MAP2K5: variants seen among roughly 807,000 people sequenced by gnomAD.
MAP2K5 encodes dual specificity mitogen-activated protein kinase kinase 5.
Under a neutral mutation model 83.1 loss-of-function variants are expected in MAP2K5, and 49 were observed. The ratio of observed to expected loss-of-function variants is 0.59; its 90% confidence interval spans 0.47 to 0.75. MAP2K5 has a LOEUF of 0.75. Among genes scored for constraint, MAP2K5 ranks in the 30% least tolerant of loss-of-function variants. MAP2K5 has a pLI of 0.00. For missense variants in MAP2K5, 457 were observed against 557.5 expected (o/e 0.82, Z 1.82); for synonymous variants, 202 against 191.8 (o/e 1.05, Z -0.44).
chr15:67,646,576 T>C, intron 11 of MAP2K5, 107 bp downstream of exon 11: 4 of 576,028 alleles, frequency 6.9e-6, no homozygotes, highest in Middle Eastern at 4.6e-4. Flanking sequence ...TAATAAAATA[T>C]GCTAATAATT....
chr15:67,756,309 TAA>T (rs1596918383), intron 19 of MAP2K5, among the ~76,000 whole-genome samples: 1 of 152,160 alleles, frequency 6.6e-6, no homozygotes, highest in African/African-American at 2.4e-5. Flanking sequence ...AAGAAAGAAA[TAA>T]GAGACAAAGT....
intron 19 of MAP2K5, among the ~76,000 whole-genome samples, chr15:67,765,928 T>C (rs530554665): frequency 6.6e-6 from 1 of 152,304 alleles, no homozygotes; most frequent in African/African-American, 2.4e-5. Flanking sequence ...AATTAAACAG[T>C]TTCAGTTGTA....
At chr15:67,706,207 C>T (rs190036557) in intron 16 of MAP2K5, among the ~76,000 whole-genome samples, 61 of 152,046 alleles carry the variant, frequency 4.0e-4, no homozygotes, top group African/African-American at 1.4e-3. Context: ...GCTAGGGGTA[C>T]AAAGATTAAT....
At chr15:67,654,318 T>C (rs1485135987) in intron 11 of MAP2K5, among the ~76,000 whole-genome samples, 1 of 152,200 alleles carries the variant, frequency 6.6e-6, no homozygotes, top group Non-Finnish European at 1.5e-5. Flanking sequence ...AATAGTTATC[T>C]AAAAGTCTAT....
At chr15:67,709,163 G>C (rs959541620) in intron 16 of MAP2K5, among the ~76,000 whole-genome samples, 1 of 152,160 alleles carries the variant, frequency 6.6e-6, no homozygotes, top group African/African-American at 2.4e-5. Context: ...GATTAGTTAT[G>C]GAATCATTAA....
At chr15:67,733,461 G>A (rs1462940653) in intron 17 of MAP2K5, among the ~76,000 whole-genome samples, 6 of 152,070 alleles carry the variant, frequency 3.9e-5, no homozygotes, top group Non-Finnish European at 8.8e-5. Flanking sequence ...CATAAGAATG[G>A]CATTCAAATA....
Position 67,757,710 on chromosome 15 carries a change from G to T in MAP2K5, c.1134+9109G>T, listed in dbSNP as rs1291566441. 6.6e-6 allele frequency among the ~76,000 whole-genome samples: 1 copy of T among 152,108 alleles called. No individual in the cohort carries two copies. Among genetic ancestry groups the T allele is most frequent in the Non-Finnish European group, 1.5e-5 (1 of 68,020 alleles). On this transcript the variant is annotated intron_variant, in intron 19 of 21. Transcript: ENST00000178640. This position sits in a 1 kb window ranked among gnomAD's most constrained non-coding sequence, Gnocchi z 4.9. ...AAACTGCAGGTAATGTAAGTGATAC[G>T]AGACTTGATGGCCTGGGCTCTCGGA...
chr15:67,620,095 T>C (rs1425369889), intron 8 of MAP2K5, among the ~76,000 whole-genome samples: 1 of 152,092 alleles, frequency 6.6e-6, no homozygotes, highest in Non-Finnish European at 1.5e-5. Flanking sequence ...TAGTAGGCCA[T>C]GTGCAGCGGC....
chr15:67,595,330 CGATTA>C (rs1430354184), intron 7 of MAP2K5, among the ~76,000 whole-genome samples: 3 of 152,106 alleles, frequency 2.0e-5, no homozygotes, highest in Non-Finnish European at 4.4e-5. Context: ...CTGTGTTTTC[CGATTA>C]GTCTCTGCTC....
At chr15:67,558,591 G>A (rs1014038914) in intron 2 of MAP2K5, among the ~76,000 whole-genome samples, 1 of 152,272 alleles carries the variant, frequency 6.6e-6, no homozygotes, top group Non-Finnish European at 1.5e-5. Context: ...TGCCCTCCAA[G>A]GCTCTGCATT....
At chr15:67,629,594 G>A (rs1385286538) in intron 8 of MAP2K5, among the ~76,000 whole-genome samples, 3 of 152,012 alleles carry the variant, frequency 2.0e-5, no homozygotes, top group African/African-American at 4.8e-5. Flanking sequence ...GGAAGTTTAG[G>A]GGCTCATTAA....
intron 7 of MAP2K5, among the ~76,000 whole-genome samples, chr15:67,595,293 A>G (rs1005934739): frequency 9.2e-5 from 14 of 152,350 alleles, no homozygotes; most frequent in East Asian, 1.9e-4. Flanking sequence ...TATAGTGTCA[A>G]CAGTTCATAA....
intron 7 of MAP2K5, 46 bp from the exon 8 acceptor site, chr15:67,600,635 TTCCA>T (rs2085636788): frequency 6.8e-7 from 1 of 1,481,152 alleles, no homozygotes; most frequent in African/African-American, 1.4e-5. Flanking sequence ...TCCTTGACAT[TTCCA>T]TCCACAGCAT....
chr15:67,585,851 C>G, intron 4 of MAP2K5, 39 bp from the exon 5 acceptor site: 1 of 1,584,298 alleles, frequency 6.3e-7, no homozygotes, highest in Non-Finnish European at 8.7e-7. Flanking sequence ...TTGTAAATGG[C>G]CCTGATGTGT....
intron 21 of MAP2K5, among the ~76,000 whole-genome samples, chr15:67,804,065 G>A (rs2090753054): frequency 6.6e-6 from 1 of 152,142 alleles, no homozygotes; most frequent in Non-Finnish European, 1.5e-5. Flanking sequence ...AGGATCCTGT[G>A]ACCGTGTGGA....
At position 67,562,910 on chromosome 15, in the gene MAP2K5, C is replaced by T. The variant is rs1209419203; in HGVS notation, c.185-373C>T. ...TGGGAGAGAGGAAGAATGGAGAAAT[C>T]GGGGTATGGTGCTGTTTGGGAGATT... On this transcript the variant is annotated intron_variant, in intron 2 of 21. Transcript: ENST00000178640. The surrounding 1 kb of genome is among the most constrained non-coding windows in gnomAD (Gnocchi z 4.1). Among the ~76,000 whole-genome samples, 1 of 151,908 alleles carries T rather than the reference C, an allele frequency of 6.6e-6. No individual in the cohort carries two copies. The highest frequency in any genetic ancestry group is 1.5e-5 in the Non-Finnish European group (1 of 67,986).
At chr15:67,675,740 A>G (rs2087663890) in intron 13 of MAP2K5, among the ~76,000 whole-genome samples, 1 of 152,214 alleles carries the variant, frequency 6.6e-6, no homozygotes, top group African/African-American at 2.4e-5. Context: ...AGTTACCTGT[A>G]TTCAGAAGGT....
intron 17 of MAP2K5, among the ~76,000 whole-genome samples, chr15:67,743,042 G>T (rs997187798): frequency 2.0e-5 from 3 of 152,208 alleles, no homozygotes; most frequent in Non-Finnish European, 2.9e-5. Context: ...CTAATTTATG[G>T]CTGTGATGAT....
At position 67,780,629 on chromosome 15, in the gene MAP2K5, G is replaced by A. The variant is rs1276596524; in HGVS notation, c.1242+7877G>A. On this transcript the variant is annotated intron_variant, in intron 21 of 21. Transcript: ENST00000178640. The surrounding 1 kb of genome is among the most constrained non-coding windows in gnomAD (Gnocchi z 5.0). ...TACAATATACAGTATAAATTAGGGT[G>A]GCCACGCTAGAATACATGGCCAGAT... Among the ~76,000 whole-genome samples the A allele has an allele frequency of 6.6e-6, 1 of 152,202 alleles. No homozygotes were observed. Among genetic ancestry groups the A allele is most frequent in the Middle Eastern group, 3.2e-3 (1 of 316 alleles).
Sources: gnomAD v4.1 joint callset for allele counts (sites outside exome capture counted in the v4.1 genomes callset) on GRCh38, gnomAD v4.1.1 for gene constraint, Gnocchi (gnomAD v3.1) non-coding constraint, MANE v1.5 for transcripts, NCBI Gene and HGNC (gene_info 2026-07-23, HGNC 2026-07-21) for gene names.